Variants in TAFA1 observed in about 807,000 individuals in gnomAD.
The protein encoded by TAFA1 is chemokine-like protein TAFA-1.
A neutral mutation model predicts 18.5 loss-of-function variants in TAFA1; 4 were observed. The observed-to-expected ratio is 0.22, with a 90% CI of 0.11 to 0.49. The LOEUF (loss-of-function observed/expected upper bound fraction) is 0.49, where lower values mean the gene tolerates loss of function less well. Ranked by LOEUF, TAFA1 falls within the 20% of genes least tolerant of loss-of-function variation. The probability of loss-of-function intolerance (pLI) is 0.98; values close to 1 mark genes in which losing one functional copy is unlikely to be tolerated. For synonymous variants in TAFA1, 56 were observed against 55.2 expected (o/e 1.01, Z -0.06); for missense variants, 147 against 169.0 (o/e 0.87, Z 0.72).
At chr3:68,238,371 A>G (rs948321232) in intron 2 of TAFA1, among the ~76,000 whole-genome samples, 2 of 152,194 alleles carry the variant, frequency 1.3e-5, no homozygotes, top group Non-Finnish European at 2.9e-5. Context: ...TATTGGTTAC[A>G]TGAACTGAAT....
chr3:68,029,374 T>C (rs1261455922), intron 2 of TAFA1, among the ~76,000 whole-genome samples: 3 of 152,216 alleles, frequency 2.0e-5, no homozygotes, highest in Non-Finnish European at 4.4e-5. Context: ...TCAATTCAGA[T>C]GCTCAATTTT....
At chr3:68,262,906 T>G (rs1411454705) in intron 2 of TAFA1, among the ~76,000 whole-genome samples, 1 of 152,228 alleles carries the variant, frequency 6.6e-6, no homozygotes, top group Non-Finnish European at 1.5e-5. Context: ...GTACGCATTT[T>G]AAATCTTCAG....
intron 2 of TAFA1, among the ~76,000 whole-genome samples, chr3:68,300,857 G>A (rs796734101): frequency 2.9e-4 from 44 of 152,200 alleles, no homozygotes; most frequent in African/African-American, 9.4e-4. Flanking sequence ...TGAAAAAGGT[G>A]CCTTGCTTCC....
In TAFA1 at chr3:68,504,432, A is replaced by G. The variant is rs17047775; in HGVS notation, c.260-34324A>G. Among the ~76,000 whole-genome samples, 1,083 of 152,310 alleles carry G rather than the reference A, an allele frequency of 7.1e-3. 14 individuals are homozygous for G. The highest frequency in any genetic ancestry group is 0.025 in the African/African-American group (1,035 of 41,570). On this transcript the variant is annotated intron_variant, in intron 3 of 4. Coordinates refer to ENST00000478136, the MANE Select transcript of TAFA1 (RefSeq NM_213609.4). ...AGACTCTGGCATGCATTCCTGGAGC[A>G]TCTTAACTAGGGCTGATACCATGAT... is the stretch of plus-strand genomic sequence containing the variant.
At chr3:68,301,188 C>G (rs1490889836) in intron 2 of TAFA1, among the ~76,000 whole-genome samples, 2 of 152,162 alleles carry the variant, frequency 1.3e-5, no homozygotes, top group Non-Finnish European at 2.9e-5. Context: ...GTCACTTTTA[C>G]TGTTTTCTTC....
intron 2 of TAFA1, among the ~76,000 whole-genome samples, chr3:68,366,085 C>CA (rs35861602): frequency 0.039 from 3,610 of 93,700 alleles, 165 homozygotes; most frequent in African/African-American, 0.083. Flanking sequence ...GACTCCATCT[C>CA]AAAAAAAAAA....
At chr3:68,393,663 G>A (rs2070310757) in intron 2 of TAFA1, among the ~76,000 whole-genome samples, 1 of 151,974 alleles carries the variant, frequency 6.6e-6, no homozygotes, top group Non-Finnish European at 1.5e-5. Flanking sequence ...AGCTTATCCA[G>A]CACAATCAAG....
At chr3:68,020,681 C>T (rs1704669383) in intron 2 of TAFA1, among the ~76,000 whole-genome samples, 1 of 152,126 alleles carries the variant, frequency 6.6e-6, no homozygotes, top group African/African-American at 2.4e-5. Flanking sequence ...TATTTACTCA[C>T]CTATTATCAT....
intron 2 of TAFA1, among the ~76,000 whole-genome samples, chr3:68,220,266 C>T (rs550109688): frequency 6.6e-6 from 1 of 152,204 alleles, no homozygotes; most frequent in South Asian, 2.1e-4. Flanking sequence ...TAAAGATTGT[C>T]TGCAAAACAA....
the TAFA1 span, among the ~76,000 whole-genome samples, chr3:67,997,231 C>A: frequency 6.6e-5 from 10 of 152,282 alleles, no homozygotes; most frequent in East Asian, 1.7e-3. Flanking sequence ...CTTAATTACA[C>A]CAAATAAATC....
intron 3 of TAFA1, among the ~76,000 whole-genome samples, chr3:68,503,870 A>G (rs2072703103): frequency 6.6e-6 from 1 of 152,162 alleles, no homozygotes; most frequent in African/African-American, 2.4e-5. Flanking sequence ...TAATGCTAAG[A>G]GAATGATTAA....
chr3:68,024,684 T>A (rs1262626621), intron 2 of TAFA1, among the ~76,000 whole-genome samples: 1 of 151,998 alleles, frequency 6.6e-6, no homozygotes, highest in Non-Finnish European at 1.5e-5. Flanking sequence ...CATTTACATA[T>A]CAGGTTTAGT....
chr3:68,458,158 G>A (rs1392952561), intron 3 of TAFA1, among the ~76,000 whole-genome samples: 1 of 152,094 alleles, frequency 6.6e-6, no homozygotes, highest in Non-Finnish European at 1.5e-5. Context: ...GAGTTCTCAT[G>A]AGATCTGGTT....
At position 68,249,086 on chromosome 3, in the gene TAFA1, G is replaced by A. The variant is rs114364622; in HGVS notation, c.119-168194G>A. On this transcript the variant is annotated intron_variant, in intron 2 of 4. Coordinates refer to ENST00000478136, the MANE Select transcript of TAFA1 (RefSeq NM_213609.4). ...GGTGCCTTCCCTACTGAAGGTAATA[G>A]GGGCTCAGCACAACAGATCACCCAC... is the stretch of plus-strand genomic sequence containing the variant. 5.7e-3 allele frequency among the ~76,000 whole-genome samples: 864 copies of A among 152,146 alleles called. 13 individuals carry two copies. The highest frequency in any genetic ancestry group is 0.02 in the African/African-American group (810 of 41,496).
chr3:68,413,440 A>T (rs892944635), intron 2 of TAFA1, among the ~76,000 whole-genome samples: 3 of 152,156 alleles, frequency 2.0e-5, no homozygotes, highest in African/African-American at 7.2e-5. Context: ...TCAATAAATG[A>T]TTACTTTCTT....
chr3:68,082,249 T>C (rs2064913739), intron 2 of TAFA1, among the ~76,000 whole-genome samples: 1 of 152,162 alleles, frequency 6.6e-6, no homozygotes, highest in Non-Finnish European at 1.5e-5. Flanking sequence ...GTACCTCAGA[T>C]GGAAATGCAG....
At chr3:68,134,192 C>T (rs1279005814) in intron 2 of TAFA1, among the ~76,000 whole-genome samples, 1 of 151,234 alleles carries the variant, frequency 6.6e-6, no homozygotes, top group Non-Finnish European at 1.5e-5. Context: ...AAAGTGGGCA[C>T]AAGAGTGGAA....
intron 2 of TAFA1, among the ~76,000 whole-genome samples, chr3:68,294,816 G>T (rs978133893): frequency 1.3e-5 from 2 of 152,164 alleles, no homozygotes; most frequent in Admixed American, 1.3e-4. Context: ...GGTTGAGGCT[G>T]CAGTGAGCCA....
chr3:68,137,220 A>G (rs1276121802), intron 2 of TAFA1, among the ~76,000 whole-genome samples: 2 of 152,188 alleles, frequency 1.3e-5, no homozygotes, highest in Non-Finnish European at 2.9e-5. Flanking sequence ...AGTCACTTCA[A>G]ACTATTTCAT....
Sources: allele counts gnomAD v4.1 joint callset (sites outside exome capture counted in the v4.1 genomes callset), GRCh38; gene constraint gnomAD v4.1.1; transcripts MANE v1.5; gene names NCBI Gene and HGNC (gene_info 2026-07-23, HGNC 2026-07-21).